RAPGEF2: variants seen among roughly 807,000 people sequenced by gnomAD.
RAPGEF2 encodes the protein Rap guanine nucleotide exchange factor 2, also known as PDZ domain containing guanine nucleotide exchange factor (GEF) 1.
RAPGEF2 carries 54 observed loss-of-function variants against 186.7 expected under a neutral mutation model. The observed-to-expected ratio is 0.29, with a 90% CI of 0.23 to 0.36. The LOEUF (loss-of-function observed/expected upper bound fraction) is 0.36, where lower values mean the gene tolerates loss of function less well. Among genes scored for constraint, RAPGEF2 ranks in the 10% least tolerant of loss-of-function variants. The pLI is 1.00. For missense variants in RAPGEF2, 1,532 were observed against 2,045.0 expected (o/e 0.75, Z 4.84); for synonymous variants, 712 against 705.9 (o/e 1.01, Z -0.14).
rs116068833 is a variant in RAPGEF2 at position 159,135,334 on chromosome 4, T to C, written c.69+31103T>C. 8.6e-3 allele frequency among the ~76,000 whole-genome samples: 1,288 copies of C among 150,562 alleles called. 23 individuals carry two copies. The highest frequency in any genetic ancestry group is 0.03 in the African/African-American group (1,224 of 41,006). On this transcript the variant is annotated intron_variant, in intron 1 of 29. Transcript: ENST00000691494. The stretch of plus-strand genomic sequence containing the variant: ...GTGCTGGGATTACAGGCGTAAGTCA[T>C]TGCGCCTGGCCCAGTTCATTTCTTT...
chr4:159,348,817 T>G (rs1356652803), intron 25 of RAPGEF2, among the ~76,000 whole-genome samples: 3 of 152,224 alleles, frequency 2.0e-5, no homozygotes, highest in Non-Finnish European at 4.4e-5. Flanking sequence ...GGATGAAATA[T>G]TATATGTTGT....
chr4:159,257,354 G>T lies in RAPGEF2; in HGVS notation c.543+13563G>T, dbSNP rs531996462. Among the ~76,000 whole-genome samples, 5 of 152,292 alleles carry T rather than the reference G, an allele frequency of 3.3e-5. No homozygotes were observed. The South Asian group carries it at 1.0e-3, about 32-fold the overall frequency. On this transcript the variant is annotated intron_variant, in intron 7 of 29. Coordinates refer to ENST00000691494, the MANE Select transcript of RAPGEF2 (RefSeq NM_001394067.2). Reference sequence around the variant, plus strand: ...CAGGGAGGAGCAAGTCACATCTTACGTGGATAGCAGCAGGCAAAGAGAGGG... The same window carrying T: ...CAGGGAGGAGCAAGTCACATCTTACTTGGATAGCAGCAGGCAAAGAGAGGG...
chr4:159,282,502 C>A, intron 7 of RAPGEF2: 1 of 312,242 alleles, frequency 3.2e-6, no homozygotes. Flanking sequence ...GATAGTTTAG[C>A]TGAACAGCAA....
intron 1 of RAPGEF2, among the ~76,000 whole-genome samples, chr4:159,122,568 A>G (rs1048717229): frequency 2.2e-4 from 34 of 152,236 alleles, no homozygotes; most frequent in Non-Finnish European, 1.5e-4. Context: ...ATGTAAACAA[A>G]TCTAAAGATG....
chr4:159,164,156 C>G (rs1745029843), intron 1 of RAPGEF2, among the ~76,000 whole-genome samples: 1 of 152,088 alleles, frequency 6.6e-6, no homozygotes, highest in African/African-American at 2.4e-5. Context: ...AGGCGCCCAC[C>G]ACCACACCCA....
At chr4:159,158,780 A>G (rs1305550364) in intron 1 of RAPGEF2, among the ~76,000 whole-genome samples, 1 of 152,198 alleles carries the variant, frequency 6.6e-6, no homozygotes, top group Non-Finnish European at 1.5e-5. Context: ...AAATTTTACT[A>G]GCGTTATTTG....
At chr4:159,203,333 G>A (rs933528823) in intron 3 of RAPGEF2, among the ~76,000 whole-genome samples, 2 of 152,166 alleles carry the variant, frequency 1.3e-5, no homozygotes, top group East Asian at 3.9e-4. Flanking sequence ...AAATATTTGA[G>A]TGCCAATCAA....
At chr4:159,281,564 G>A (rs1262855666) in intron 7 of RAPGEF2, among the ~76,000 whole-genome samples, 2 of 151,090 alleles carry the variant, frequency 1.3e-5, no homozygotes, top group Non-Finnish European at 3.0e-5. Context: ...CCAGCTACTC[G>A]GGAGGCTGAG....
At chr4:159,163,359 A>G (rs73860456) in intron 1 of RAPGEF2, among the ~76,000 whole-genome samples, 142 of 152,328 alleles carry the variant, frequency 9.3e-4, no homozygotes, top group African/African-American at 3.0e-3. Flanking sequence ...TGAGGTATAA[A>G]TGTTGAGTGT....
chr4:159,153,981 C>T (rs1455246763), intron 1 of RAPGEF2, among the ~76,000 whole-genome samples: 1 of 152,184 alleles, frequency 6.6e-6, no homozygotes, highest in African/African-American at 2.4e-5. Flanking sequence ...ATTTCTATCT[C>T]TCAGTCCATC....
intron 1 of RAPGEF2, among the ~76,000 whole-genome samples, chr4:159,181,171 T>TA (rs1417379434): frequency 6.6e-6 from 1 of 152,204 alleles, no homozygotes; most frequent in Non-Finnish European, 1.5e-5. Flanking sequence ...GCTAGCTTTT[T>TA]ATCTTTGATT....
chr4:159,259,036 AAAC>A (rs1353808309), intron 7 of RAPGEF2, among the ~76,000 whole-genome samples: 40 of 152,336 alleles, frequency 2.6e-4, no homozygotes, highest in African/African-American at 8.9e-4. Flanking sequence ...TTTGTCAATG[AAAC>A]TAGCCCACAG....
At chr4:159,248,944 T>C (rs898717469) in intron 7 of RAPGEF2, among the ~76,000 whole-genome samples, 1 of 152,232 alleles carries the variant, frequency 6.6e-6, no homozygotes, top group Non-Finnish European at 1.5e-5. Context: ...TACTGTTCTT[T>C]CATTCCATTT....
rs76729465 is a variant in RAPGEF2, at chr4:159,209,359, C to T, written c.198-1141C>T. Among the ~76,000 whole-genome samples the T allele has an allele frequency of 9.2e-3, 1,399 of 152,294 alleles. 18 individuals carry two copies. The highest frequency in any genetic ancestry group is 0.032 in the African/African-American group (1,341 of 41,554). ...AACTGAGATATCATTTTCACCAAGC[C>T]GATTGGCAAAACATCCAAAAGCACT... On this transcript the variant is annotated intron_variant, in intron 3 of 29. Coordinates refer to ENST00000691494, the MANE Select transcript of RAPGEF2 (RefSeq NM_001394067.2).
chr4:159,108,524 G>A (rs1180242549), intron 1 of RAPGEF2, among the ~76,000 whole-genome samples: 1 of 151,684 alleles, frequency 6.6e-6, no homozygotes. Context: ...AAGGAAGGAT[G>A]CAGTGTTATT....
At chr4:159,116,395 G>A (rs1338397662) in intron 1 of RAPGEF2, among the ~76,000 whole-genome samples, 3 of 152,068 alleles carry the variant, frequency 2.0e-5, no homozygotes, top group African/African-American at 7.2e-5. Context: ...ACCATCTCAC[G>A]CCAGTCAGAT....
rs1167058418 is a variant in RAPGEF2 at position 159,104,140 on chromosome 4, C to T, written c.-23C>T. 6.6e-7 allele frequency: 1 copy of T among 1,510,454 alleles called. No individual in the cohort carries two copies. The highest frequency in any genetic ancestry group is 8.8e-7 in the Non-Finnish European group (1 of 1,132,158). 93.6% of individuals were successfully genotyped at this position (1,510,454 alleles called of 1,614,324 possible). A position where few individuals can be genotyped will look rare whatever the true frequency, so the allele number is the denominator to read the frequency against. The stretch of plus-strand genomic sequence containing the variant: ...GAGGCCGGCCAGGGTGCGGAGCGGC[C>T]CCGGCCCGCTCCCAGAGGGGAGATG... On this transcript the variant is annotated 5_prime_UTR_variant, in exon 1 of 30. Transcript: ENST00000691494.
chr4:159,340,509 T>G (rs759943963), intron 19 of RAPGEF2, among the ~76,000 whole-genome samples: 5 of 152,146 alleles, frequency 3.3e-5, no homozygotes, highest in Non-Finnish European at 7.3e-5. Flanking sequence ...GCGCAAAGTA[T>G]ATATTTTCTG....
intron 7 of RAPGEF2, among the ~76,000 whole-genome samples, chr4:159,298,099 C>G (rs1762233614): frequency 6.6e-6 from 1 of 152,074 alleles, no homozygotes; most frequent in Non-Finnish European, 1.5e-5. Flanking sequence ...TTTTGCAGAC[C>G]TATTCTTATA....
Sources: gnomAD v4.1 joint callset for allele counts (sites outside exome capture counted in the v4.1 genomes callset) on GRCh38, gnomAD v4.1.1 for gene constraint, MANE v1.5 for transcripts, NCBI Gene and HGNC (gene_info 2026-07-23, HGNC 2026-07-21) for gene names.